MESD: variants seen among roughly 807,000 people sequenced by gnomAD.
The protein encoded by MESD is LRP chaperone MESD.
A neutral mutation model predicts 12.9 loss-of-function variants in MESD; 7 were observed. The ratio of observed to expected loss-of-function variants is 0.54; its 90% CI spans 0.31 to 1.02. The LOEUF (loss-of-function observed/expected upper bound fraction) is 1.02, where lower values mean the gene tolerates loss of function less well. Ranked by LOEUF, MESD falls within the 50% of genes least tolerant of loss-of-function variation. MESD has a pLI of 0.05. For synonymous variants in MESD, 126 were observed against 115.6 expected (o/e 1.09, Z -0.58); for missense variants, 342 against 296.7 (o/e 1.15, Z -1.12).
At chr15:80,946,933 C>A, downstream of MESD, 2 of 1,481,106 alleles carry the variant, frequency 1.4e-6, no homozygotes, top group South Asian at 1.1e-5. Flanking sequence ...TTTGCTCTCT[C>A]CCTCTGGTCT....
chr15:80,977,195 C>G lies in MESD; in HGVS notation c.*2024G>C, dbSNP rs1902439737. On this transcript the variant is annotated 3_prime_UTR_variant, in exon 3 of 3. Coordinates refer to ENST00000261758, the MANE Select transcript of MESD (RefSeq NM_015154.3). ...CTCTGCCTGCCTTACTCTATTTCTC[C>G]TCTCCTCCTCTTGCCCTCAGAGAAG... is the stretch of plus-strand genomic sequence containing the variant. 6.5e-6 allele frequency: 1 copy of G among 152,742 alleles called. No homozygotes were observed. Among genetic ancestry groups the G allele is most frequent in the South Asian group, 2.1e-4 (1 of 4,838 alleles). 9.5% of individuals were successfully genotyped at this position (152,742 alleles called of 1,614,324 possible). A position where few individuals can be genotyped will look rare whatever the true frequency, so the allele number is the denominator to read the frequency against.
intron 3 of MESD, among the ~76,000 whole-genome samples, chr15:80,956,863 G>A (rs1406299775): frequency 1.3e-5 from 2 of 151,742 alleles, no homozygotes; most frequent in Non-Finnish European, 2.9e-5. Context: ...TGTTACCCAG[G>A]CTGGAGTGCA....
At chr15:80,952,904 C>G in intron 3 of MESD, 1 of 453,260 alleles carries the variant, frequency 2.2e-6, no homozygotes, top group Non-Finnish European at 4.4e-6. Context: ...CACAGAGGAA[C>G]ACAGAATGAC....
intron 3 of MESD, among the ~76,000 whole-genome samples, chr15:80,964,452 T>C (rs1374531582): frequency 2.0e-5 from 3 of 152,300 alleles, no homozygotes; most frequent in African/African-American, 7.2e-5. Context: ...CTTCACAGAA[T>C]TGGAAAAAAC....
At chr15:80,987,768 C>T (rs1268175080) in intron 1 of MESD, among the ~76,000 whole-genome samples, 3 of 149,866 alleles carry the variant, frequency 2.0e-5, no homozygotes, top group South Asian at 2.3e-4. Flanking sequence ...GGATTACAGG[C>T]GTGAGCCACT....
chr15:80,959,524 G>C (rs763777422), intron 3 of MESD, among the ~76,000 whole-genome samples: 2 of 152,196 alleles, frequency 1.3e-5, no homozygotes, highest in Non-Finnish European at 2.9e-5. Flanking sequence ...TATTCAGCTA[G>C]AAAATGTCTT....
intron 3 of MESD, among the ~76,000 whole-genome samples, chr15:80,957,900 G>C (rs57448075): frequency 6.3e-5 from 9 of 142,084 alleles, no homozygotes; most frequent in Admixed American, 3.5e-4. Flanking sequence ...TATTAGGGAG[G>C]GCCATCTGCT....
chr15:80,971,912 T>C (rs1391321798), downstream of MESD, among the ~76,000 whole-genome samples: 3 of 149,016 alleles, frequency 2.0e-5, no homozygotes, highest in Non-Finnish European at 4.4e-5. Context: ...ACTGCACCAT[T>C]GCACTCCAGC....
Position 80,989,787 on chromosome 15 carries a change from G to A in MESD, c.5C>T (p.Ala2Val), listed in dbSNP as rs747563841. The A allele has an allele frequency of 3.3e-5, 52 of 1,577,564 alleles. 2 individuals carry two copies. The South Asian group carries it at 3.6e-4, about 11-fold the overall frequency. The change falls in exon 1 of 3, where the codon GCG (alanine) becomes GTG (valine). Residue 2 changes from alanine to valine, a missense_variant. Coordinates refer to ENST00000261758, the MANE Select transcript of MESD (RefSeq NM_015154.3). ...GGCCTTGCGCGCCCACCTGGAAGCC[G>A]CCATTTTCGCTGCGCCGCGCAGCGC... M[A>V]ASRWARKAVV...
intron 3 of MESD, among the ~76,000 whole-genome samples, chr15:80,964,336 A>G (rs1362605855): frequency 6.6e-6 from 1 of 152,240 alleles, no homozygotes; most frequent in Non-Finnish European, 1.5e-5. Flanking sequence ...GACACAAACA[A>G]ATGGAAGAAC....
intron 3 of MESD, among the ~76,000 whole-genome samples, chr15:80,956,965 C>T (rs574902895): frequency 2.0e-5 from 3 of 152,168 alleles, no homozygotes; most frequent in East Asian, 1.9e-4. Flanking sequence ...TACAGGCTCA[C>T]GCTACCATGC....
downstream of MESD, among the ~76,000 whole-genome samples, chr15:80,974,678 A>AG (rs910536098): frequency 2.0e-5 from 3 of 148,982 alleles, no homozygotes; most frequent in Non-Finnish European, 4.5e-5. Flanking sequence ...ATAATGGGGG[A>AG]GGGGGGAGCT....
In MESD at chr15:80,989,657, G is replaced by C. The variant is rs1893243509; in HGVS notation, c.135C>G (p.Thr45=). Residue 45 remains threonine (T), a synonymous_variant, in exon 1 of 3, where the codon ACC becomes ACG. Transcript: ENST00000261758. ...EGSPGTPDES[T]PPPRKKKKDI... Reference sequence around the variant, plus strand: ...CCTTCTTCTTCTTCCGGGGAGGTGGGGTAGACTCGTCGGGCGTCCCGGGCG... The same window carrying C: ...CCTTCTTCTTCTTCCGGGGAGGTGGCGTAGACTCGTCGGGCGTCCCGGGCG... 6.2e-7 allele frequency: 1 copy of C among 1,613,696 alleles called. No homozygotes were observed. The highest frequency in any genetic ancestry group is 1.1e-5 in the South Asian group (1 of 91,082).
At chr15:80,979,853 T>C (rs903062714) in intron 2 of MESD, among the ~76,000 whole-genome samples, 23 of 152,228 alleles carry the variant, frequency 1.5e-4, no homozygotes, top group Admixed American at 1.1e-3. Flanking sequence ...TTCTAGAGTG[T>C]CCAGTTACAC....
Position 80,963,237 on chromosome 15 carries a change from G to A in MESD, c.*289-10941C>T, listed in dbSNP as rs542122797. On this transcript the variant is annotated intron_variant, in intron 3 of 4. Coordinates refer to the MESD transcript ENST00000561312. The stretch of plus-strand genomic sequence containing the variant: ...TAAACTAGAAAATCTAGAAGAAATG[G>A]ATAAATTCCTGTATACATACACCCT... Among the ~76,000 whole-genome samples, 4 of 152,304 alleles carry A rather than the reference G, an allele frequency of 2.6e-5. 1 individual carries two copies. The highest frequency in any genetic ancestry group is 9.6e-5 in the African/African-American group (4 of 41,562).
At chr15:80,949,128 G>A in intron 4 of MESD, 1 of 680,728 alleles carries the variant, frequency 1.5e-6, no homozygotes, top group Non-Finnish European at 2.6e-6. Flanking sequence ...TGGAGCCCCT[G>A]GGGCGGTGCT....
exon 5 of MESD, chr15:80,948,702 G>T: frequency 6.5e-7 from 1 of 1,540,264 alleles, no homozygotes; most frequent in South Asian, 1.1e-5. Flanking sequence ...GTACCTGGTG[G>T]GCGTGGGGGG....
At chr15:80,946,453 G>C (rs981014348), downstream of MESD, 4 of 167,628 alleles carry the variant, frequency 2.4e-5, no homozygotes, top group African/African-American at 9.6e-5. Context: ...TCAGGATCTA[G>C]AACCTTCAGG....
At position 80,976,787 on chromosome 15, in the gene MESD, A is replaced by G. The variant is rs1032166992; in HGVS notation, c.*2432T>C. The stretch of plus-strand genomic sequence containing the variant: ...GAAAATGTCCACTGCAGCACTGAAT[A>G]TACCAGCAAAAAATCTGAACACTCA... On this transcript the variant is annotated 3_prime_UTR_variant, in exon 3 of 3. Coordinates refer to ENST00000261758, the MANE Select transcript of MESD (RefSeq NM_015154.3). 4 of 152,236 alleles carry G rather than the reference A, an allele frequency of 2.6e-5. No homozygotes were observed. The highest frequency in any genetic ancestry group is 9.6e-5 in the African/African-American group (4 of 41,458). The allele number at this position is 152,236 out of a possible 1,614,324, so 9.4% of individuals were successfully genotyped here.
Sources: allele counts gnomAD v4.1 joint callset (sites outside exome capture counted in the v4.1 genomes callset), GRCh38; gene constraint gnomAD v4.1.1; transcripts MANE v1.5; gene names NCBI Gene and HGNC (gene_info 2026-07-23, HGNC 2026-07-21).